TBC1D22A: variants seen among roughly 807,000 people sequenced by gnomAD.
TBC1D22A encodes the protein putative GTPase activator.
A neutral mutation model predicts 60.2 loss-of-function variants in TBC1D22A; 38 were observed. The ratio of observed to expected loss-of-function variants is 0.63; its 90% CI spans 0.49 to 0.83. The LOEUF (loss-of-function observed/expected upper bound fraction) is 0.83. Ranked by LOEUF, TBC1D22A falls within the 40% of genes least tolerant of loss-of-function variation. The pLI is 0.00. For synonymous variants in TBC1D22A, 302 were observed against 281.7 expected, an observed-to-expected ratio of 1.07 and a Z score of -0.72; for missense variants, 628 against 701.0, an observed-to-expected ratio of 0.90 and a Z score of 1.18.
intron 1 of TBC1D22A, among the ~76,000 whole-genome samples, chr22:46,776,154 A>C (rs1191511134): frequency 5.9e-5 from 9 of 152,254 alleles, no homozygotes; most frequent in Non-Finnish European, 1.2e-4. Flanking sequence ...ATGAGATGAC[A>C]TTAAAGTGGA....
At chr22:46,977,652 T>C (rs2074354688) in intron 9 of TBC1D22A, among the ~76,000 whole-genome samples, 1 of 151,778 alleles carries the variant, frequency 6.6e-6, no homozygotes, top group Admixed American at 6.6e-5. Flanking sequence ...GAGAAAGAGG[T>C]TTAATTAGCT....
intron 11 of TBC1D22A, among the ~76,000 whole-genome samples, chr22:47,071,590 C>T (rs556692196): frequency 5.3e-5 from 8 of 152,324 alleles, no homozygotes; most frequent in African/African-American, 1.7e-4. Flanking sequence ...CACTCGGGGC[C>T]GGCGGGAAAG....
chr22:47,169,135 C>T (rs1185380575), intron 12 of TBC1D22A, among the ~76,000 whole-genome samples: 4 of 152,198 alleles, frequency 2.6e-5, no homozygotes, highest in African/African-American at 9.7e-5. Context: ...TTCCCACCTC[C>T]ACCCTGTGTC....
intron 4 of TBC1D22A, among the ~76,000 whole-genome samples, chr22:46,821,970 C>T (rs1022971003): frequency 1.3e-5 from 2 of 151,726 alleles, no homozygotes; most frequent in Admixed American, 6.6e-5. Flanking sequence ...TGTCTGCATA[C>T]CTTATTTCAT....
At chr22:46,987,914 C>A (rs1367447519) in intron 9 of TBC1D22A, among the ~76,000 whole-genome samples, 1 of 152,128 alleles carries the variant, frequency 6.6e-6, no homozygotes. Flanking sequence ...CTTTCAAAAC[C>A]CCGGTCAGTT....
intron 12 of TBC1D22A, among the ~76,000 whole-genome samples, chr22:47,123,722 C>T (rs73889404): frequency 0.021 from 3,145 of 152,296 alleles, 121 homozygotes; most frequent in African/African-American, 0.072. Context: ...TCGTTGTCTC[C>T]GTCTTTATTG....
chr22:46,875,891 A>C (rs1476855642), intron 4 of TBC1D22A, among the ~76,000 whole-genome samples: 1 of 152,228 alleles, frequency 6.6e-6, no homozygotes, highest in Non-Finnish European at 1.5e-5. Context: ...CAAAAAGCCA[A>C]GTGGTGGAGT....
rs558950293 is a variant in TBC1D22A at position 46,974,417 on chromosome 22, C to A, written c.1125+18C>A. 1 of 1,591,024 alleles carries A rather than the reference C, an allele frequency of 6.3e-7. No individual in the cohort carries two copies. The highest frequency in any genetic ancestry group is 2.3e-5 in the East Asian group (1 of 44,104). On this transcript the variant is annotated intron_variant, in intron 9 of 12. Transcript: ENST00000337137. ...GCATTCAGGTGAGCGCCCGCGCCCA[C>A]GGGACACAGCCCACGCCCACAGCCC... is the stretch of plus-strand genomic sequence containing the variant.
chr22:47,160,308 C>T (rs1196713038), intron 12 of TBC1D22A, among the ~76,000 whole-genome samples: 4 of 152,218 alleles, frequency 2.6e-5, no homozygotes, highest in South Asian at 2.1e-4. Context: ...TCTCAGGTTC[C>T]GTGTGAGGGG....
At chr22:46,820,166 A>AT (rs557001514) in intron 4 of TBC1D22A, among the ~76,000 whole-genome samples, 80 of 150,970 alleles carry the variant, frequency 5.3e-4, no homozygotes, top group Non-Finnish European at 3.0e-5. Flanking sequence ...CTATTTGTTC[A>AT]TTTTTTCAAT....
At chr22:47,130,787 G>A (rs1006847134) in intron 12 of TBC1D22A, among the ~76,000 whole-genome samples, 2 of 152,154 alleles carry the variant, frequency 1.3e-5, no homozygotes, top group African/African-American at 4.8e-5. Context: ...TGCCATATTT[G>A]TTTCCGGAGT....
chr22:46,941,798 A>ACG (rs549216585), intron 8 of TBC1D22A, among the ~76,000 whole-genome samples: 4 of 143,320 alleles, frequency 2.8e-5, no homozygotes, highest in African/African-American at 8.1e-5. Context: ...TAGAATATAT[A>ACG]GAATATATAT....
At chr22:47,015,621 G>A (rs183350075) in intron 10 of TBC1D22A, among the ~76,000 whole-genome samples, 106 of 152,308 alleles carry the variant, frequency 7.0e-4, no homozygotes, top group African/African-American at 2.4e-3. Context: ...GGTTGAACAC[G>A]TTTTACTGTG....
At chr22:47,156,501 C>T (rs1038203989) in intron 12 of TBC1D22A, among the ~76,000 whole-genome samples, 4 of 152,136 alleles carry the variant, frequency 2.6e-5, no homozygotes, top group African/African-American at 7.2e-5. Flanking sequence ...GTGTGGAGGA[C>T]ACCTCACAGT....
At chr22:46,881,239 TCATTCATTCATC>T (rs1439743221) in intron 5 of TBC1D22A, among the ~76,000 whole-genome samples, 3 of 152,170 alleles carry the variant, frequency 2.0e-5, no homozygotes, top group Non-Finnish European at 2.9e-5. Context: ...GTTGGTTGGT[TCATTCATTCATC>T]CATTCATTCA....
intron 12 of TBC1D22A, among the ~76,000 whole-genome samples, chr22:47,146,207 C>T (rs1365858098): frequency 1.3e-5 from 2 of 152,150 alleles, no homozygotes; most frequent in Non-Finnish European, 2.9e-5. Flanking sequence ...GGCCTGTTCC[C>T]TGCCGTCCCT....
At chr22:46,953,458 A>T (rs2148017349) in intron 8 of TBC1D22A, among the ~76,000 whole-genome samples, 1 of 149,680 alleles carries the variant, frequency 6.7e-6, no homozygotes, top group South Asian at 2.1e-4. Context: ...AATGCCTTTC[A>T]TATTTACCTT....
chr22:47,164,915 G>A (rs1294509923), intron 12 of TBC1D22A, among the ~76,000 whole-genome samples: 2 of 152,202 alleles, frequency 1.3e-5, no homozygotes, highest in East Asian at 1.9e-4. Context: ...AGAAAGGCCC[G>A]GGGGTTTGGG....
chr22:46,825,295 C>T (rs2086004439), intron 4 of TBC1D22A, among the ~76,000 whole-genome samples: 2 of 152,104 alleles, frequency 1.3e-5, no homozygotes, highest in African/African-American at 2.4e-5. Context: ...CCCGCCGTGC[C>T]CATGCCTGTG....
Sources: gnomAD v4.1 joint callset for allele counts (sites outside exome capture counted in the v4.1 genomes callset) on GRCh38, gnomAD v4.1.1 for gene constraint, MANE v1.5 for transcripts, NCBI Gene and HGNC (gene_info 2026-07-23, HGNC 2026-07-21) for gene names.